The following HNRNPM variants were observed in gnomAD, a reference collection of about 807,000 sequenced individuals.
HNRNPM encodes CEA receptor.
HNRNPM carries 11 observed loss-of-function variants against 73.1 expected under a neutral mutation model. The observed-to-expected ratio is 0.15, with a 90% CI of 0.09 to 0.25. HNRNPM has a LOEUF of 0.25. Among genes scored for constraint, HNRNPM ranks in the 10% least tolerant of loss-of-function variants. HNRNPM has a pLI of 1.00. For synonymous variants in HNRNPM, 407 were observed against 355.2 expected, an observed-to-expected ratio of 1.15 and a Z score of -1.64; for missense variants, 789 against 1,067.9, an observed-to-expected ratio of 0.74 and a Z score of 3.64.
intron 13 of HNRNPM, among the ~76,000 whole-genome samples, chr19:8,484,420 G>A (rs975726171): frequency 6.6e-6 from 1 of 152,044 alleles, no homozygotes; most frequent in African/African-American, 2.4e-5. Flanking sequence ...TGTTCCGCCC[G>A]CCTTGGCCTC....
chr19:8,456,262 G>A (rs1599761503), intron 2 of HNRNPM, among the ~76,000 whole-genome samples: 2 of 152,284 alleles, frequency 1.3e-5, no homozygotes, highest in African/African-American at 4.8e-5. Context: ...CCACCAGGAG[G>A]CCCGAGGAGG....
At chr19:8,474,307 C>G in intron 12 of HNRNPM, 63 bp downstream of exon 12, 1 of 1,202,840 alleles carries the variant, frequency 8.3e-7, no homozygotes, top group Non-Finnish European at 1.2e-6. Context: ...TCTCAGGTGA[C>G]TTTTAGGCTG....
chr19:8,473,336 C>T (rs1192117880), intron 10 of HNRNPM, among the ~76,000 whole-genome samples: 1 of 152,016 alleles, frequency 6.6e-6, no homozygotes, highest in Non-Finnish European at 1.5e-5. Context: ...TAGCAGGCGC[C>T]TGTAATCTCA....
At chr19:8,483,606 C>CGTG (rs1971071891) in intron 13 of HNRNPM, among the ~76,000 whole-genome samples, 1 of 152,144 alleles carries the variant, frequency 6.6e-6, no homozygotes, top group South Asian at 2.1e-4. Flanking sequence ...AAGCACACCA[C>CGTG]CCAACAAGTA....
chr19:8,487,563 A>G (rs1366429785), intron 15 of HNRNPM: 2 of 163,336 alleles, frequency 1.2e-5, no homozygotes, highest in South Asian at 1.4e-4. Flanking sequence ...ACATCGGGCA[A>G]CTCTTCTGGA....
intron 2 of HNRNPM, chr19:8,461,863 T>G (rs1969422923): frequency 6.6e-6 from 1 of 152,240 alleles, no homozygotes; most frequent in African/African-American, 2.4e-5. Context: ...TGGAGCCTAG[T>G]GCTGTGTGCA....
chr19:8,464,431 C>A (rs141105126), intron 5 of HNRNPM, among the ~76,000 whole-genome samples: 1 of 151,964 alleles, frequency 6.6e-6, no homozygotes, highest in African/African-American at 2.4e-5. Flanking sequence ...GTCATGAGTT[C>A]AAGACCAGCT....
At chr19:8,450,478 T>TCTACTCACTGCAACTC (rs1449700883) in intron 1 of HNRNPM, among the ~76,000 whole-genome samples, 2 of 151,644 alleles carry the variant, frequency 1.3e-5, no homozygotes, top group African/African-American at 4.8e-5. Flanking sequence ...GTGTACGATC[T>TCTACTCACTGCAACTC]CTACTCACTG....
In HNRNPM at chr19:8,455,562, G is replaced by A. The variant is rs1332384144; in HGVS notation, c.271G>A (p.Val91Ile). ...DVKWQSLKDL[V>I]KEKVGEVTYV... is the part of the protein sequence containing the mutation. The stretch of plus-strand genomic sequence containing the variant: ...GAAATGGCAGTCACTTAAAGACCTG[G>A]TTAAAGAAAAAGGTAATGGTACTGG... Residue 91 changes from valine to isoleucine, a missense_variant, in exon 2 of 16, where the codon GTT becomes ATT. Physicochemically the swap from Val to Ile is conservative, Grantham distance 29 (BLOSUM62 3). This residue lies in a region of HNRNPM where 63 missense variants were observed against 147.4 expected (regional missense o/e 0.43). Transcript: ENST00000325495. The A allele has an allele frequency of 4.3e-6, 7 of 1,612,674 alleles. No homozygotes were observed. The highest frequency in any genetic ancestry group is 1.7e-5 in the Admixed American group (1 of 59,736).
intron 9 of HNRNPM, among the ~76,000 whole-genome samples, chr19:8,470,514 G>C (rs150311529): frequency 6.6e-6 from 1 of 152,006 alleles, no homozygotes; most frequent in African/African-American, 2.4e-5. Context: ...TTTTAGTAGA[G>C]ATGGGGTTTT....
chr19:8,483,140 T>TC lies in HNRNPM; in HGVS notation c.1121-17dup, dbSNP rs749130955. On this transcript the variant is annotated splice_polypyrimidine_tract_variant and intron_variant, in intron 12 of 15. Transcript: ENST00000325495. ...TAGAGGAATTTGGCTAATTTTTTTT[T>TC]CTTCCTGATTTCCTTAGAAATCCTA... 4 of 1,588,824 alleles carry TC rather than the reference T, an allele frequency of 2.5e-6. No homozygotes were observed. The East Asian group carries it at 6.7e-5, about 27-fold the overall frequency.
At chr19:8,480,586 C>T (rs374606074) in intron 12 of HNRNPM, among the ~76,000 whole-genome samples, 18 of 149,256 alleles carry the variant, frequency 1.2e-4, no homozygotes, top group African/African-American at 4.2e-4. Flanking sequence ...TTGCTTGAAC[C>T]TGGGAGGTAG....
At chr19:8,456,432 G>C (rs150295721) in intron 2 of HNRNPM, among the ~76,000 whole-genome samples, 88 of 152,334 alleles carry the variant, frequency 5.8e-4, no homozygotes, top group African/African-American at 2.0e-3. Context: ...AGACAACACC[G>C]TGGTAGAGAA....
In HNRNPM at chr19:8,488,507, G is replaced by GC; in HGVS notation, c.2030-183dup. 3 of 501,028 alleles carry GC rather than the reference G, an allele frequency of 6.0e-6. 1 individual carries two copies. Among genetic ancestry groups the GC allele is most frequent in the Non-Finnish European group, 1.1e-5 (3 of 283,282 alleles). The allele number at this position is 501,028 out of a possible 1,614,324, so 31.0% of individuals were successfully genotyped here. A position where few individuals can be genotyped will look rare whatever the true frequency, so the allele number is the denominator to read the frequency against. The stretch of plus-strand genomic sequence containing the variant: ...ATCCGCCAGGAAGGCTTTTCATGGG[G>GC]CAGGGGCAGGCTCTGTTAGCAGAAG... On this transcript the variant is annotated intron_variant, in intron 15 of 15. Transcript: ENST00000325495.
chr19:8,468,884 A>G, intron 9 of HNRNPM, 50 bp downstream of exon 9: 1 of 1,408,848 alleles, frequency 7.1e-7, no homozygotes, highest in Non-Finnish European at 1.0e-6. Flanking sequence ...AGTTACACTA[A>G]TAAACAGAAA....
chr19:8,478,732 G>A (rs779934286), intron 12 of HNRNPM, among the ~76,000 whole-genome samples: 2 of 152,222 alleles, frequency 1.3e-5, no homozygotes, highest in Non-Finnish European at 2.9e-5. Context: ...ATAAGGTTGT[G>A]CAGGCTGTGG....
rs1568286608 is a variant in HNRNPM, at chr19:8,473,670, G to T, written c.1004G>T (p.Gly335Val). 1.3e-6 allele frequency: 2 copies of T among 1,569,638 alleles called. No homozygotes were observed. The highest frequency in any genetic ancestry group is 1.8e-6 in the Non-Finnish European group (2 of 1,141,740). Residue 335 changes from glycine to valine, a missense_variant, in exon 11 of 16, where the codon GGA becomes GTA. Transcript: ENST00000325495. ...GMGNIGPAGMGMEGIGFGINK... is the reference protein window; with the variant it reads ...GMGNIGPAGMVMEGIGFGINK... Reference sequence around the variant, plus strand: ...TTGACTTTTTCTTTTTAAGGAATGGGAATGGAAGGCATAGGATTTGGAATA... The same window carrying T: ...TTGACTTTTTCTTTTTAAGGAATGGTAATGGAAGGCATAGGATTTGGAATA...
intron 12 of HNRNPM, among the ~76,000 whole-genome samples, chr19:8,482,101 T>C (rs1000885525): frequency 6.6e-6 from 1 of 151,264 alleles, no homozygotes; most frequent in African/African-American, 2.4e-5. Context: ...GCCTCCTGAG[T>C]AACTGGGATT....
At chr19:8,486,555 G>T in intron 14 of HNRNPM, 150 bp downstream of exon 14, 1 of 670,284 alleles carries the variant, frequency 1.5e-6, no homozygotes, top group Non-Finnish European at 2.5e-6. Flanking sequence ...AGTGGGACAA[G>T]TAAGGAATGT....
Sources: allele counts gnomAD v4.1 joint callset (sites outside exome capture counted in the v4.1 genomes callset), GRCh38; gene constraint gnomAD v4.1.1; regional missense constraint gnomAD v4.1.1; transcripts MANE v1.5; gene names NCBI Gene and HGNC (gene_info 2026-07-23, HGNC 2026-07-21).